The following FHIT variants were observed in gnomAD, a reference collection of about 807,000 sequenced individuals.
FHIT encodes the protein bis(5'-adenosyl)-triphosphatase.
A neutral mutation model predicts 17.9 loss-of-function variants in FHIT; 19 were observed. The observed-to-expected ratio is 1.06, with a 90% CI of 0.74 to 1.56. The LOEUF is 1.56. FHIT is among the 40% of genes most tolerant of loss of function. The pLI, the probability that FHIT is intolerant of heterozygous loss-of-function variation, is 0.00. For synonymous variants in FHIT, 81 were observed against 69.7 expected (o/e 1.16, Z -0.81); for missense variants, 248 against 189.2 (o/e 1.31, Z -1.82).
At chr3:60,959,413 T>C (rs1166861397) in intron 3 of FHIT, among the ~76,000 whole-genome samples, 2 of 152,160 alleles carry the variant, frequency 1.3e-5, no homozygotes, top group Admixed American at 1.3e-4. Context: ...CAAATTTACA[T>C]ACATTCTTTT....
intron 4 of FHIT, among the ~76,000 whole-genome samples, chr3:60,578,479 T>C (rs1480012855): frequency 3.7e-5 from 4 of 107,470 alleles, no homozygotes; most frequent in Non-Finnish European, 7.9e-5. Flanking sequence ...ACACACACGA[T>C]AAATATTCAC....
chr3:60,578,770 A>G lies in FHIT; in HGVS notation c.-17-41791T>C, dbSNP rs185688303. ...TAAATGAAACATTTTTGAAGGGAGT[A>G]TTCACCACCACAGCTAAAGAAAGCC... On this transcript the variant is annotated intron_variant, in intron 4 of 9. Coordinates refer to ENST00000492590, the MANE Select transcript of FHIT (RefSeq NM_002012.4). Among the ~76,000 whole-genome samples, 8 of 152,292 alleles carry G rather than the reference A, an allele frequency of 5.3e-5. No homozygotes were observed. In the East Asian group the frequency reaches 1.4e-3, roughly 26 times the overall value.
chr3:60,060,633 T>G (rs73840545), intron 5 of FHIT, among the ~76,000 whole-genome samples: 3,255 of 152,252 alleles, frequency 0.021, 104 homozygotes, highest in African/African-American at 0.073. Flanking sequence ...GAAAGCAGCT[T>G]AGTAGGAGAA....
chr3:60,760,254 C>T (rs551293096), intron 4 of FHIT, among the ~76,000 whole-genome samples: 21 of 152,218 alleles, frequency 1.4e-4, no homozygotes, highest in Middle Eastern at 3.4e-3. Flanking sequence ...TTGAGGTTCA[C>T]GGCACCATGA....
At chr3:59,969,555 CA>C (rs1018100277) in intron 7 of FHIT, among the ~76,000 whole-genome samples, 93 of 152,110 alleles carry the variant, frequency 6.1e-4, no homozygotes, top group Non-Finnish European at 1.6e-4. Flanking sequence ...CTGGTAAAAA[CA>C]AAACAAAACA....
intron 5 of FHIT, among the ~76,000 whole-genome samples, chr3:60,458,884 C>T (rs2032282672): frequency 6.6e-6 from 1 of 152,100 alleles, no homozygotes; most frequent in Non-Finnish European, 1.5e-5. Context: ...AAGGGATCCT[C>T]CCACCTTAGC....
At chr3:60,324,049 T>A (rs544249341) in intron 5 of FHIT, among the ~76,000 whole-genome samples, 1 of 152,068 alleles carries the variant, frequency 6.6e-6, no homozygotes, top group Non-Finnish European at 1.5e-5. Context: ...TTATTAACAA[T>A]AGAAGCAATA....
At chr3:60,371,569 G>A (rs1024738326) in intron 5 of FHIT, among the ~76,000 whole-genome samples, 1 of 151,922 alleles carries the variant, frequency 6.6e-6, no homozygotes, top group Non-Finnish European at 1.5e-5. Flanking sequence ...GTTACTACAA[G>A]GCTCTTCTTT....
At chr3:59,908,850 T>TTTTTTTTTTTTTTGAGACGG (rs1553712872) in intron 8 of FHIT, among the ~76,000 whole-genome samples, 256 of 150,076 alleles carry the variant, frequency 1.7e-3, no homozygotes, top group East Asian at 4.1e-3. Flanking sequence ...TTTCATTTTT[T>TTTTTTTTTTTTTTGAGACGG]AATAGTCCAA....
chr3:60,532,832 T>C (rs2035836261), intron 5 of FHIT, among the ~76,000 whole-genome samples: 1 of 152,146 alleles, frequency 6.6e-6, no homozygotes, highest in Admixed American at 6.5e-5. Flanking sequence ...AAAAAGTCAG[T>C]GAGCAAAGTC....
intron 5 of FHIT, among the ~76,000 whole-genome samples, chr3:60,098,221 G>T (rs1176744853): frequency 7.2e-6 from 1 of 138,752 alleles, no homozygotes. Flanking sequence ...AATCCTTTGG[G>T]TATATACCCA....
chr3:60,860,780 T>TAC (rs1553751920), intron 3 of FHIT, among the ~76,000 whole-genome samples: 110 of 9,710 alleles, frequency 0.011, 23 homozygotes, highest in African/African-American at 0.031. Context: ...GTATCATATA[T>TAC]CAGGTATATA....
intron 7 of FHIT, among the ~76,000 whole-genome samples, chr3:59,971,502 T>TG (rs1708180935): frequency 6.6e-6 from 1 of 151,588 alleles, no homozygotes; most frequent in Non-Finnish European, 1.5e-5. Flanking sequence ...TAAACTCTCT[T>TG]TTTTTGCTAA....
chr3:60,738,244 T>C (rs1408893371), intron 4 of FHIT, among the ~76,000 whole-genome samples: 2 of 152,324 alleles, frequency 1.3e-5, no homozygotes, highest in Admixed American at 6.5e-5. Flanking sequence ...ATGATAATTC[T>C]TTCAGCAAAG....
intron 5 of FHIT, among the ~76,000 whole-genome samples, chr3:60,279,110 C>T (rs1707305829): frequency 6.6e-6 from 1 of 151,872 alleles, no homozygotes; most frequent in African/African-American, 2.4e-5. Flanking sequence ...TAATTATTTT[C>T]AAAAGATCAA....
intron 7 of FHIT, among the ~76,000 whole-genome samples, chr3:60,002,814 G>C (rs1699779440): frequency 6.6e-6 from 1 of 152,170 alleles, no homozygotes; most frequent in Non-Finnish European, 1.5e-5. Context: ...TGAATAATTT[G>C]AGATGAGTAT....
intron 5 of FHIT, among the ~76,000 whole-genome samples, chr3:60,383,906 C>T (rs1700904740): frequency 6.6e-6 from 1 of 152,054 alleles, no homozygotes; most frequent in Admixed American, 6.6e-5. Context: ...TGCAAAAAAG[C>T]AAAAACATGA....
intron 5 of FHIT, among the ~76,000 whole-genome samples, chr3:60,351,333 G>T (rs765895658): frequency 2.0e-5 from 3 of 152,110 alleles, no homozygotes; most frequent in Admixed American, 6.6e-5. Flanking sequence ...ACACTCAGAC[G>T]CAAGCCACCT....
chr3:61,044,091 C>T (rs1196821815), intron 2 of FHIT, among the ~76,000 whole-genome samples: 1 of 152,182 alleles, frequency 6.6e-6, no homozygotes, highest in Non-Finnish European at 1.5e-5. Context: ...GAAAGGAACG[C>T]AGCTGCTCGC....
Sources: allele counts gnomAD v4.1 joint callset (sites outside exome capture counted in the v4.1 genomes callset), GRCh38; gene constraint gnomAD v4.1.1; transcripts MANE v1.5; gene names NCBI Gene and HGNC (gene_info 2026-07-23, HGNC 2026-07-21).